Variants in LARP6 observed in about 807,000 individuals in gnomAD.
The protein encoded by LARP6 is La ribonucleoprotein 6, translational regulator.
In LARP6, 18 loss-of-function variants were observed where a neutral mutation model predicts 32.8. That is an observed-to-expected ratio of 0.55 (90% CI 0.38 to 0.81). The LOEUF is 0.81. Ranked by LOEUF, LARP6 falls within the 40% of genes least tolerant of loss-of-function variation. The pLI, the probability that LARP6 is intolerant of heterozygous loss-of-function variation, is 0.00. For missense variants in LARP6, 598 were observed against 663.1 expected (o/e 0.90, Z 1.08); for synonymous variants, 289 against 267.2 (o/e 1.08, Z -0.80).
intron 2 of LARP6, among the ~76,000 whole-genome samples, chr15:70,833,776 G>C (rs1207074025): frequency 6.6e-6 from 1 of 152,202 alleles, no homozygotes; most frequent in Non-Finnish European, 1.5e-5. Flanking sequence ...ATTTGATACA[G>C]AGAAGTTTCC....
At chr15:70,840,641 T>C (rs969491371) in intron 1 of LARP6, among the ~76,000 whole-genome samples, 1 of 152,120 alleles carries the variant, frequency 6.6e-6, no homozygotes, top group African/African-American at 2.4e-5. Context: ...AACAAAGATG[T>C]CAGTAAATCA....
chr15:70,847,268 G>A (rs1378603588), intron 1 of LARP6, among the ~76,000 whole-genome samples: 2 of 152,164 alleles, frequency 1.3e-5, no homozygotes, highest in Non-Finnish European at 2.9e-5. Flanking sequence ...TGTAAACTGG[G>A]AGTGATGAGG....
At chr15:70,846,620 A>AC (rs879387629) in intron 1 of LARP6, among the ~76,000 whole-genome samples, 348 of 151,410 alleles carry the variant, frequency 2.3e-3, no homozygotes, top group South Asian at 6.1e-3. Flanking sequence ...AAAAATAAAT[A>AC]AATACATACA....
intron 2 of LARP6, among the ~76,000 whole-genome samples, chr15:70,834,620 C>G (rs914939468): frequency 6.6e-6 from 1 of 152,176 alleles, no homozygotes; most frequent in African/African-American, 2.4e-5. Context: ...TGTGGGGGAC[C>G]ACATCTCACT....
chr15:70,851,517 A>G, intron 1 of LARP6: 1 of 1,466,324 alleles, frequency 6.8e-7, no homozygotes, highest in East Asian at 2.5e-5. Flanking sequence ...AAATACAAAA[A>G]GGAATAAGAT....
rs2032043657 is a variant in LARP6, at chr15:70,831,747, C to T, written c.*305G>A. Reference sequence around the variant, plus strand: ...CCAAAGAAGAGAGAAAAATTCCATACCAAAGAACAGACTTCCCCCAGGGAA... The same window carrying T: ...CCAAAGAAGAGAGAAAAATTCCATATCAAAGAACAGACTTCCCCCAGGGAA... On this transcript the variant is annotated 3_prime_UTR_variant, in exon 3 of 3. Coordinates refer to ENST00000299213, the MANE Select transcript of LARP6 (RefSeq NM_018357.4). 1 of 223,686 alleles carries T rather than the reference C, an allele frequency of 4.5e-6. No homozygotes were observed. The highest frequency in any genetic ancestry group is 2.3e-5 in the African/African-American group (1 of 44,420). The allele number at this position is 223,686 out of a possible 1,614,324, so 13.9% of individuals were successfully genotyped here. A position where few individuals can be genotyped will look rare whatever the true frequency, so the allele number is the denominator to read the frequency against.
chr15:70,835,283 A>C (rs115086166), intron 2 of LARP6, among the ~76,000 whole-genome samples: 1 of 152,322 alleles, frequency 6.6e-6, no homozygotes, highest in African/African-American at 2.4e-5. Context: ...GTTCCCAATA[A>C]TACTGTGTTC....
In LARP6 at chr15:70,832,133, G is replaced by C; in HGVS notation, c.1395C>G (p.Pro465=). The stretch of plus-strand genomic sequence containing the variant: ...CCCTGGGCAACCTCAGCACCCCTAC[G>C]GGTAGCCCATCTGCAGTCTGCATCT... ...SRKMQTADGL[P]VGVLRLPRGP... The change falls in exon 3 of 3, where the codon CCC becomes CCG. Residue 465 remains proline (P), a synonymous_variant. Coordinates refer to ENST00000299213, the MANE Select transcript of LARP6 (RefSeq NM_018357.4). 6.2e-7 allele frequency: 1 copy of C among 1,608,678 alleles called. No individual in the cohort carries two copies. The highest frequency in any genetic ancestry group is 8.5e-7 in the Non-Finnish European group (1 of 1,177,212).
intron 2 of LARP6, among the ~76,000 whole-genome samples, chr15:70,834,533 A>C (rs2141049404): frequency 1.3e-5 from 2 of 152,274 alleles, no homozygotes; most frequent in Non-Finnish European, 2.9e-5. Context: ...AAAAGAGACA[A>C]TTTCCTAAGC....
At chr15:70,844,863 T>C (rs2032319218) in intron 1 of LARP6, among the ~76,000 whole-genome samples, 1 of 152,234 alleles carries the variant, frequency 6.6e-6, no homozygotes, top group Non-Finnish European at 1.5e-5. Flanking sequence ...AGGGTGCTAG[T>C]TGGAGTATAC....
At position 70,841,932 on chromosome 15, in the gene LARP6, G is replaced by A. The variant is rs113728561; in HGVS notation, c.201-5427C>T. 3.6e-3 allele frequency among the ~76,000 whole-genome samples: 551 copies of A among 152,218 alleles called. 2 individuals carry two copies. Among genetic ancestry groups the A allele is most frequent in the African/African-American group, 0.013 (521 of 41,524 alleles). On this transcript the variant is annotated intron_variant, in intron 1 of 2. Coordinates refer to ENST00000299213, the MANE Select transcript of LARP6 (RefSeq NM_018357.4). The stretch of plus-strand genomic sequence containing the variant: ...ACACAGTCTTCTTGCCCCTGATGCA[G>A]GATCTGACACTATTGACCACCTTCT...
At chr15:70,834,248 G>C (rs765183416) in intron 2 of LARP6, among the ~76,000 whole-genome samples, 8 of 152,230 alleles carry the variant, frequency 5.3e-5, no homozygotes, top group Non-Finnish European at 1.2e-4. Context: ...CAGGCTCCTA[G>C]AGAGAGAGCA....
At chr15:70,834,168 T>C (rs1322818554) in intron 2 of LARP6, among the ~76,000 whole-genome samples, 3 of 152,000 alleles carry the variant, frequency 2.0e-5, no homozygotes, top group Non-Finnish European at 4.4e-5. Context: ...AGGAACTTCA[T>C]GAAACTCAAG....
At chr15:70,845,144 C>T (rs2032323096) in intron 1 of LARP6, among the ~76,000 whole-genome samples, 1 of 152,132 alleles carries the variant, frequency 6.6e-6, no homozygotes, top group Non-Finnish European at 1.5e-5. Context: ...AACCAATGAA[C>T]TAATTACAAT....
chr15:70,838,707 A>G (rs1284876582), intron 1 of LARP6, among the ~76,000 whole-genome samples: 1 of 152,218 alleles, frequency 6.6e-6, no homozygotes, highest in Non-Finnish European at 1.5e-5. Context: ...ATAAACATTT[A>G]GAGAATACTG....
chr15:70,833,733 T>G (rs2032097666), intron 2 of LARP6, among the ~76,000 whole-genome samples: 1 of 152,256 alleles, frequency 6.6e-6, no homozygotes, highest in Admixed American at 6.5e-5. Flanking sequence ...AACATTCAAA[T>G]GCTTCTCTAA....
Position 70,853,969 on chromosome 15 carries a change from A to G in LARP6, c.120T>C (p.Thr40=). 6.9e-7 allele frequency: 1 copy of G among 1,458,222 alleles called. No homozygotes were observed. The highest frequency in any genetic ancestry group is 9.1e-7 in the Non-Finnish European group (1 of 1,100,088). 90.3% of individuals were successfully genotyped at this position (1,458,222 alleles called of 1,614,324 possible). ...ELEDEEEGAE[T]RGAGDPARYL... ...ACCGGGCCGGGTCCCCGGCGCCCCGAGTCTCCGCCCCCTCCTCCTCGTCCT... is the reference window on the plus strand; with the variant it reads ...ACCGGGCCGGGTCCCCGGCGCCCCGGGTCTCCGCCCCCTCCTCCTCGTCCT... Residue 40 remains threonine, a synonymous_variant, in exon 1 of 3, where the codon ACT becomes ACC. Transcript: ENST00000299213.
In LARP6 at chr15:70,853,905, G is replaced by T; in HGVS notation, c.184C>A (p.Pro62Thr). ...PGWGSASEEE[P>T]SRGHSGTTAS... Reference sequence around the variant, plus strand: ...CGCGCCTACCTGTGCCCGCGGCTCGGCTCCTCCTCGCTCGCGCTGCCCCAG... The same window carrying T: ...CGCGCCTACCTGTGCCCGCGGCTCGTCTCCTCCTCGCTCGCGCTGCCCCAG... The change falls in exon 1 of 3, where the codon CCG becomes ACG. Residue 62 changes from proline to threonine, a missense_variant. By Grantham distance (38) the Pro-to-Thr change is conservative (BLOSUM62 -1). Around this residue, in one of 3 missense-constraint regions of LARP6, gnomAD observed 161 missense variants for 148.6 expected, o/e 1.08. Coordinates refer to ENST00000299213, the MANE Select transcript of LARP6 (RefSeq NM_018357.4). 1 of 1,354,102 alleles carries T rather than the reference G, an allele frequency of 7.4e-7. No individual in the cohort carries two copies. The highest frequency in any genetic ancestry group is 9.5e-7 in the Non-Finnish European group (1 of 1,047,976). The allele number at this position is 1,354,102 out of a possible 1,614,324, so 83.9% of individuals were successfully genotyped here.
Position 70,832,068 on chromosome 15 carries a change from C to T in LARP6, c.1460G>A (p.Ser487Asn), listed in dbSNP as rs745559555. ...NTRGFHGHERSRACV is the reference protein window; with the variant it reads ...NTRGFHGHERNRACV ...AGAAGGTATTTATACACAGGCCCTG[C>T]TCCTCTCATGGCCATGAAATCCTCT... The change falls in exon 3 of 3, where the codon AGC becomes AAC. Residue 487 changes from serine to asparagine, a missense_variant. Physicochemically the swap from Ser to Asn is conservative, Grantham distance 46 (BLOSUM62 1). Coordinates refer to ENST00000299213, the MANE Select transcript of LARP6 (RefSeq NM_018357.4). The T allele has an allele frequency of 6.6e-7, 1 of 1,522,452 alleles. No homozygotes were observed. The highest frequency in any genetic ancestry group is 2.3e-5 in the East Asian group (1 of 43,908). 94.3% of individuals were successfully genotyped at this position (1,522,452 alleles called of 1,614,324 possible).
Sources: allele counts gnomAD v4.1 joint callset (sites outside exome capture counted in the v4.1 genomes callset), GRCh38; gene constraint gnomAD v4.1.1; regional missense constraint gnomAD v4.1.1; transcripts MANE v1.5; gene names NCBI Gene and HGNC (gene_info 2026-07-23, HGNC 2026-07-21).